ATAD2B: variants seen among roughly 807,000 people sequenced by gnomAD.
The protein encoded by ATAD2B is ATPase family AAA domain-containing protein 2B.
In ATAD2B, 40 loss-of-function variants were observed where a neutral mutation model predicts 167.6. The ratio of observed to expected loss-of-function variants is 0.24; its 90% CI spans 0.19 to 0.31. The LOEUF (loss-of-function observed/expected upper bound fraction) is 0.31. Among genes scored for constraint, ATAD2B ranks in the 10% least tolerant of loss-of-function variants. The pLI is 1.00. For missense variants in ATAD2B, 1,242 were observed against 1,757.2 expected, an observed-to-expected ratio of 0.71 and a Z score of 5.24; for synonymous variants, 579 against 596.5, an observed-to-expected ratio of 0.97 and a Z score of 0.43.
chr2:23,845,122 T>A (rs566558547), intron 13 of ATAD2B, among the ~76,000 whole-genome samples: 1 of 152,162 alleles, frequency 6.6e-6, no homozygotes, highest in African/African-American at 2.4e-5. Context: ...TCAAATTTTA[T>A]ACCCAGAGAA....
chr2:23,918,665 T>C (rs191934937), intron 1 of ATAD2B, among the ~76,000 whole-genome samples: 10 of 152,234 alleles, frequency 6.6e-5, no homozygotes, highest in South Asian at 2.1e-4. Flanking sequence ...CAGGTAAAAG[T>C]TGTCTATAAA....
At chr2:23,873,523 C>T (rs946107715) in intron 8 of ATAD2B, among the ~76,000 whole-genome samples, 3 of 152,178 alleles carry the variant, frequency 2.0e-5, no homozygotes, top group African/African-American at 4.8e-5. Context: ...TTATCAAAGA[C>T]TTAACGTAAG....
intron 13 of ATAD2B, among the ~76,000 whole-genome samples, chr2:23,852,870 G>C (rs1456928362): frequency 1.3e-5 from 2 of 149,872 alleles, no homozygotes; most frequent in East Asian, 3.9e-4. Flanking sequence ...AGTGAGCCGA[G>C]ATCACGCCAT....
rs1695388639 is a variant in ATAD2B at position 23,867,931 on chromosome 2, G to A, written c.1092C>T (p.Asn364=). ...CGCTAGCTAAGTCCTCTGCTCTGAA[G>A]TTCATAGGCAAACATCTGAAATTTA... is the stretch of plus-strand genomic sequence containing the variant. ...ARARNRCLPM[N]FRAEDLASGI... Residue 364 remains asparagine, a synonymous_variant, in exon 10 of 28, where the codon AAC becomes AAT. Coordinates refer to ENST00000238789, the MANE Select transcript of ATAD2B (RefSeq NM_017552.4). 1.9e-6 allele frequency: 3 copies of A among 1,608,444 alleles called. No homozygotes were observed. Among genetic ancestry groups the A allele is most frequent in the Admixed American group, 1.7e-5 (1 of 58,746 alleles).
At chr2:23,692,213 TC>T in the ATAD2B span, among the ~76,000 whole-genome samples, 2 of 152,188 alleles carry the variant, frequency 1.3e-5, no homozygotes, top group African/African-American at 4.8e-5. Flanking sequence ...GGCCTCACAG[TC>T]CTGTTCTCTA....
chr2:23,708,350 C>T, the ATAD2B span: 1 of 152,154 alleles, frequency 6.6e-6, no homozygotes, highest in Non-Finnish European at 1.5e-5. Flanking sequence ...AGGACTGGAG[C>T]ACAAATTCCT....
rs10169079 is a variant in ATAD2B, at chr2:23,763,872, G to A, written c.3257-1526C>T. Among the ~76,000 whole-genome samples, 282 of 152,312 alleles carry A rather than the reference G, an allele frequency of 1.9e-3. 1 individual carries two copies. The highest frequency in any genetic ancestry group is 6.1e-3 in the African/African-American group (252 of 41,562). ...CACCCAAAATGCTGGGATTACAGGC[G>A]TGAGCCACCATGTTCAGCCAGCATG... On this transcript the variant is annotated intron_variant, in intron 23 of 27. Transcript: ENST00000238789.
intron 24 of ATAD2B, among the ~76,000 whole-genome samples, chr2:23,760,721 CACACACACATAT>C (rs1345200792): frequency 1.4e-5 from 2 of 142,736 alleles, no homozygotes; most frequent in African/African-American, 5.2e-5. Context: ...CACACACACA[CACACACACATAT>C]ACACACACAC....
intron 16 of ATAD2B, among the ~76,000 whole-genome samples, chr2:23,820,695 C>T (rs956701835): frequency 6.6e-6 from 1 of 152,144 alleles, no homozygotes; most frequent in Non-Finnish European, 1.5e-5. Flanking sequence ...CTAAATTATG[C>T]TAGCAGATAG....
chr2:23,901,555 G>T (rs922384495), intron 1 of ATAD2B, among the ~76,000 whole-genome samples: 2 of 151,792 alleles, frequency 1.3e-5, no homozygotes, highest in Non-Finnish European at 2.9e-5. Context: ...TTACAAAAAC[G>T]TACCCTATTT....
intron 8 of ATAD2B, among the ~76,000 whole-genome samples, chr2:23,870,658 G>GAA (rs112307311): frequency 3.9e-4 from 56 of 145,118 alleles, no homozygotes; most frequent in South Asian, 6.6e-4. Context: ...TAGAATCTCA[G>GAA]AAAAAAAAAA....
In ATAD2B at chr2:23,749,171, T is replaced by C. The variant is rs1057358865; in HGVS notation, c.*2875A>G. 1 of 144,980 alleles carries C rather than the reference T, an allele frequency of 6.9e-6. No individual in the cohort carries two copies. The highest frequency in any genetic ancestry group is 2.5e-5 in the African/African-American group (1 of 39,636). 9.0% of individuals were successfully genotyped at this position (144,980 alleles called of 1,614,324 possible). ...GAAAAATCAAGTCATGAAACAACAT[T>C]AAAAAAAAAAAATCACAGGTGAGAT... On this transcript the variant is annotated 3_prime_UTR_variant, in exon 28 of 28. Transcript: ENST00000238789.
Position 23,926,784 on chromosome 2 carries a change from G to C in ATAD2B, c.-14C>G. 1 of 1,511,966 alleles carries C rather than the reference G, an allele frequency of 6.6e-7. No individual in the cohort carries two copies. Among genetic ancestry groups the C allele is most frequent in the Non-Finnish European group, 8.9e-7 (1 of 1,128,034 alleles). The allele number at this position is 1,511,966 out of a possible 1,614,324, so 93.7% of individuals were successfully genotyped here. ...GGTGTTCACCATGGTCCAGCCAGGGGGACGGAGTCCACGCCGCGCCCGGGA... is the reference window on the plus strand; with the variant it reads ...GGTGTTCACCATGGTCCAGCCAGGGCGACGGAGTCCACGCCGCGCCCGGGA... On this transcript the variant is annotated 5_prime_UTR_variant, in exon 1 of 28. Transcript: ENST00000238789.
chr2:23,906,806 G>A (rs1478477310), intron 1 of ATAD2B, among the ~76,000 whole-genome samples: 1 of 151,906 alleles, frequency 6.6e-6, no homozygotes, highest in African/African-American at 2.4e-5. Flanking sequence ...TGCAAGGCTG[G>A]TTCAATACAC....
chr2:23,696,107 G>C, the ATAD2B span: 1 of 1,551,798 alleles, frequency 6.4e-7, no homozygotes, highest in Non-Finnish European at 8.7e-7. The surrounding 1 kb of genome is among the most constrained non-coding windows in gnomAD (Gnocchi z 5.5). Flanking sequence ...AGTGTAGTGA[G>C]TGCAGGGGAC....
chr2:23,920,043 CA>C (rs1703675844), intron 1 of ATAD2B, among the ~76,000 whole-genome samples: 1 of 151,414 alleles, frequency 6.6e-6, no homozygotes, highest in South Asian at 2.1e-4. Flanking sequence ...CCTGGCTACT[CA>C]GGAGGCTGAG....
intron 6 of ATAD2B, among the ~76,000 whole-genome samples, chr2:23,881,509 G>A (rs973389227): frequency 2.6e-5 from 4 of 151,224 alleles, no homozygotes; most frequent in African/African-American, 7.3e-5. Flanking sequence ...CTACAGGCAC[G>A]TGCCACCACG....
At chr2:23,855,728 C>T (rs140951510) in intron 13 of ATAD2B, among the ~76,000 whole-genome samples, 1 of 152,302 alleles carries the variant, frequency 6.6e-6, no homozygotes, top group African/African-American at 2.4e-5. Flanking sequence ...GTCTCTACAA[C>T]AAATACAAAA....
At chr2:23,857,185 A>G (rs1693563216) in intron 13 of ATAD2B, among the ~76,000 whole-genome samples, 1 of 152,256 alleles carries the variant, frequency 6.6e-6, no homozygotes, top group South Asian at 2.1e-4. Flanking sequence ...TAAGGAATGA[A>G]CATGGTTGTA....
Sources: allele counts gnomAD v4.1 joint callset (sites outside exome capture counted in the v4.1 genomes callset), GRCh38; gene constraint gnomAD v4.1.1; non-coding constraint Gnocchi (gnomAD v3.1); transcripts MANE v1.5; gene names NCBI Gene and HGNC (gene_info 2026-07-23, HGNC 2026-07-21).